The following HECW1 variants were observed in gnomAD, a reference collection of about 807,000 sequenced individuals.
The protein encoded by HECW1 is HECT, C2 and WW domain containing E3 ubiquitin protein ligase 1.
Under a neutral mutation model 182.3 loss-of-function variants are expected in HECW1, and 61 were observed. That is an observed-to-expected ratio of 0.33 (90% CI 0.27 to 0.41). The LOEUF is 0.41. Ranked by LOEUF, HECW1 falls within the 10% of genes least tolerant of loss-of-function variation. The pLI, the probability that HECW1 is intolerant of heterozygous loss-of-function variation, is 1.00. For missense variants in HECW1, 1,739 were observed against 2,108.9 expected (o/e 0.82, Z 3.44); for synonymous variants, 859 against 832.6 (o/e 1.03, Z -0.55).
rs33937309 is a variant in HECW1 at position 43,480,684 on chromosome 7, C to CATATAT, written c.3234+948_3234+953dup. ...ATATATATACACACACATATATACG[C>CATATAT]ATATATATATATACACACACACACA... On this transcript the variant is annotated intron_variant, in intron 17 of 29. Transcript: ENST00000395891. Among the ~76,000 whole-genome samples the CATATAT allele has an allele frequency of 9.3e-3, 1,359 of 146,706 alleles. 8 individuals are homozygous for CATATAT. Among genetic ancestry groups the CATATAT allele is most frequent in the Non-Finnish European group, 0.014 (937 of 66,010 alleles).
intron 11 of HECW1, among the ~76,000 whole-genome samples, chr7:43,447,053 A>G (rs1758118637): frequency 6.6e-6 from 1 of 152,258 alleles, no homozygotes; most frequent in Non-Finnish European, 1.5e-5. Context: ...AGGAGCTGGC[A>G]GGGATGTTGG....
At chr7:43,204,255 T>C (rs1795264093) in intron 2 of HECW1, among the ~76,000 whole-genome samples, 1 of 152,206 alleles carries the variant, frequency 6.6e-6, no homozygotes, top group Admixed American at 6.5e-5. Flanking sequence ...CTGAAGACCA[T>C]TTTGCATGAC....
At chr7:43,479,393 C>A (rs1423378248) in intron 16 of HECW1, among the ~76,000 whole-genome samples, 1 of 152,160 alleles carries the variant, frequency 6.6e-6, no homozygotes, top group East Asian at 1.9e-4. Context: ...AGTGGTAATG[C>A]TCACTCGCCC....
chr7:43,444,313 C>A lies in HECW1; in HGVS notation c.1141C>A (p.Arg381=). The part of the protein sequence containing the change: ...NLMESGSGEP[R]SEAPESSESW... ...GATGGAAAGCGGCAGTGGGGAACCT[C>A]GGTCTGAGGCACCAGAGTCCTCTGA... is the stretch of plus-strand genomic sequence containing the variant. Residue 381 remains arginine, a synonymous_variant, in exon 11 of 30, where the codon CGG becomes AGG. Transcript: ENST00000395891. This position sits in a 1 kb window ranked among gnomAD's most constrained non-coding sequence, Gnocchi z 4.3. 1 of 1,614,186 alleles carries A rather than the reference C, an allele frequency of 6.2e-7. No homozygotes were observed. The highest frequency in any genetic ancestry group is 8.5e-7 in the Non-Finnish European group (1 of 1,180,032).
intron 9 of HECW1, among the ~76,000 whole-genome samples, chr7:43,441,097 G>A (rs1168342230): frequency 2.0e-5 from 3 of 152,194 alleles, no homozygotes; most frequent in African/African-American, 7.2e-5. Context: ...ATATCCAAAG[G>A]TGGTCACTCT....
At chr7:43,355,302 T>A (rs1017281840) in intron 5 of HECW1, among the ~76,000 whole-genome samples, 6 of 152,184 alleles carry the variant, frequency 3.9e-5, no homozygotes, top group African/African-American at 1.4e-4. Context: ...ACTGTAATTG[T>A]GGTGTGCAAT....
chr7:43,369,892 G>GA (rs1012795506), intron 6 of HECW1, among the ~76,000 whole-genome samples: 2 of 152,116 alleles, frequency 1.3e-5, no homozygotes, highest in African/African-American at 4.8e-5. Flanking sequence ...ATGATGGAGG[G>GA]ATAGATAAAT....
chr7:43,560,332 A>G (rs776799570), intron 29 of HECW1, among the ~76,000 whole-genome samples: 3 of 152,186 alleles, frequency 2.0e-5, no homozygotes, highest in South Asian at 2.1e-4. Flanking sequence ...TGAATCTTAG[A>G]TAATAATTTA....
chr7:43,237,647 T>C (rs12702028), intron 2 of HECW1, among the ~76,000 whole-genome samples: 52,856 of 152,102 alleles, frequency 0.35, 9,377 homozygotes, highest in Non-Finnish European at 0.38. Context: ...GCATTTACCA[T>C]TGTATCTGCA....
intron 3 of HECW1, among the ~76,000 whole-genome samples, chr7:43,259,387 C>CAAAA (rs36088559): frequency 3.1e-4 from 42 of 137,478 alleles, no homozygotes; most frequent in Middle Eastern, 3.6e-3. Flanking sequence ...ACTCCATGTC[C>CAAAA]AAAAAAAAAA....
At chr7:43,493,429 G>C (rs963963607) in intron 19 of HECW1, among the ~76,000 whole-genome samples, 3 of 152,144 alleles carry the variant, frequency 2.0e-5, no homozygotes, top group Admixed American at 6.5e-5. Flanking sequence ...ATTGATGTAG[G>C]GGGGGGAAGG....
At chr7:43,472,446 G>A (rs1049774559) in intron 16 of HECW1, among the ~76,000 whole-genome samples, 15 of 152,034 alleles carry the variant, frequency 9.9e-5, no homozygotes, top group African/African-American at 3.1e-4. Flanking sequence ...TTTGCTCATT[G>A]ATAAAACATC....
At chr7:43,363,036 C>T (rs901956562) in intron 6 of HECW1, among the ~76,000 whole-genome samples, 1 of 152,204 alleles carries the variant, frequency 6.6e-6, no homozygotes, top group Non-Finnish European at 1.5e-5. Context: ...TTAAATAAAG[C>T]TCCCTAGAGC....
chr7:43,262,240 A>ATGTGTG (rs768645865), intron 3 of HECW1, among the ~76,000 whole-genome samples: 1 of 103,780 alleles, frequency 9.6e-6, no homozygotes, highest in Non-Finnish European at 2.0e-5. Flanking sequence ...ATATATATGT[A>ATGTGTG]TGTGTGCGTG....
At chr7:43,137,907 A>G (rs1374019167) in intron 2 of HECW1, among the ~76,000 whole-genome samples, 2 of 151,152 alleles carry the variant, frequency 1.3e-5, no homozygotes, top group Non-Finnish European at 2.9e-5. Flanking sequence ...GATGCAGCTC[A>G]AATCCAGATG....
chr7:43,218,369 C>G (rs1023423967), intron 2 of HECW1, among the ~76,000 whole-genome samples: 22 of 152,198 alleles, frequency 1.4e-4, no homozygotes, highest in Non-Finnish European at 8.8e-5. Flanking sequence ...GTATTTTTTT[C>G]CAAACAAGAG....
intron 6 of HECW1, among the ~76,000 whole-genome samples, chr7:43,371,599 C>G (rs563823019): frequency 6.6e-6 from 1 of 152,030 alleles, no homozygotes; most frequent in African/African-American, 2.4e-5. Flanking sequence ...GGCAGTTTAG[C>G]AAAATTTATC....
At chr7:43,247,356 G>A (rs975135353) in intron 3 of HECW1, among the ~76,000 whole-genome samples, 4 of 152,206 alleles carry the variant, frequency 2.6e-5, no homozygotes, top group Non-Finnish European at 5.9e-5. Context: ...CATGTCGAAA[G>A]TGAAGCCCAG....
chr7:43,316,477 T>C lies in HECW1; in HGVS notation c.353-4158T>C, dbSNP rs550122314. Among the ~76,000 whole-genome samples, 5 of 152,276 alleles carry C rather than the reference T, an allele frequency of 3.3e-5. No individual in the cohort carries two copies. In the South Asian group the frequency reaches 1.0e-3, roughly 32 times the overall value. The stretch of plus-strand genomic sequence containing the variant: ...CACTGGTCTAAGACCACTAGCTGTA[T>C]TAGCTCAAGGAATCCTTTCAACAAG... On this transcript the variant is annotated intron_variant, in intron 4 of 29. Transcript: ENST00000395891.
Sources: allele counts gnomAD v4.1 joint callset (sites outside exome capture counted in the v4.1 genomes callset), GRCh38; gene constraint gnomAD v4.1.1; non-coding constraint Gnocchi (gnomAD v3.1); transcripts MANE v1.5; gene names NCBI Gene and HGNC (gene_info 2026-07-23, HGNC 2026-07-21).